The following DOT1L variants were observed in gnomAD, a reference collection of about 807,000 sequenced individuals.
DOT1L encodes the protein DOT1 like histone lysine methyltransferase, also known as histone-lysine N-methyltransferase, H3 lysine-79 specific.
DOT1L carries 33 observed loss-of-function variants against 153.3 expected under a neutral mutation model. That is an observed-to-expected ratio of 0.22 (90% CI 0.16 to 0.29). DOT1L has a LOEUF of 0.29. Among genes scored for constraint, DOT1L ranks in the 10% least tolerant of loss-of-function variants. The pLI is 1.00. For missense variants in DOT1L, 1,847 were observed against 2,119.9 expected (o/e 0.87, Z 2.53); for synonymous variants, 1,135 against 965.1 (o/e 1.18, Z -3.26).
At chr19:2,199,783 A>G in intron 7 of DOT1L, 101 bp from the exon 8 acceptor site, 5 of 1,401,210 alleles carry the variant, frequency 3.6e-6, no homozygotes, top group Non-Finnish European at 4.8e-6. Context: ...CTTCACTGCA[A>G]GCGGAGCTGT....
At chr19:2,183,589 G>A (rs992715681) in intron 2 of DOT1L, among the ~76,000 whole-genome samples, 3 of 151,804 alleles carry the variant, frequency 2.0e-5, no homozygotes, top group Non-Finnish European at 2.9e-5. Context: ...GGGGAAAGGG[G>A]CGTTTAAACA....
At chr19:2,186,941 G>GAGGGGCCTGC (rs1018580182) in intron 3 of DOT1L, among the ~76,000 whole-genome samples, 4 of 152,264 alleles carry the variant, frequency 2.6e-5, no homozygotes, top group African/African-American at 9.6e-5. Context: ...GGTCCACAGG[G>GAGGGGCCTGC]AGGGGCCTGC....
At chr19:2,195,325 G>A (rs777153631) in intron 7 of DOT1L, among the ~76,000 whole-genome samples, 6 of 152,124 alleles carry the variant, frequency 3.9e-5, no homozygotes, top group Admixed American at 2.0e-4. Flanking sequence ...CCACACAGAG[G>A]CCTGCAGAGC....
At chr19:2,164,688 A>T (rs2019842692) in intron 1 of DOT1L, among the ~76,000 whole-genome samples, 1 of 133,516 alleles carries the variant, frequency 7.5e-6, no homozygotes, top group Non-Finnish European at 1.5e-5. Flanking sequence ...TCTTCTTTTT[A>T]AAAATTGGGC....
At chr19:2,187,966 G>GAA (rs1349499675) in intron 3 of DOT1L, among the ~76,000 whole-genome samples, 1 of 151,414 alleles carries the variant, frequency 6.6e-6, no homozygotes, top group African/African-American at 2.4e-5. Context: ...GAAGGGCCAG[G>GAA]GCTGCTCCTC....
At chr19:2,173,189 C>T (rs188337427) in intron 1 of DOT1L, among the ~76,000 whole-genome samples, 106 of 152,144 alleles carry the variant, frequency 7.0e-4, no homozygotes, top group African/African-American at 2.4e-3. Flanking sequence ...CGCTTTCCTC[C>T]TTCCCTGTCA....
Position 2,232,221 on chromosome 19 carries a change from A to C in DOT1L, c.*2429A>C, listed in dbSNP as rs740405. The C allele has an allele frequency of 0.14, 29,768 of 219,952 alleles. 3,202 individuals carry two copies. The highest frequency in any genetic ancestry group is 0.31 in the African/African-American group (13,889 of 44,316). 13.6% of individuals were successfully genotyped at this position (219,952 alleles called of 1,614,324 possible). ...GCTCAGGAATTGATAGGAACCCTAA[A>C]AACTAGGATACCCCCTCCTCGGCCC... is the stretch of plus-strand genomic sequence containing the variant. On this transcript the variant is annotated 3_prime_UTR_variant, in exon 28 of 28. Coordinates refer to ENST00000398665, the MANE Select transcript of DOT1L (RefSeq NM_032482.3).
intron 3 of DOT1L, among the ~76,000 whole-genome samples, chr19:2,188,540 G>A (rs1247769781): frequency 4.0e-5 from 6 of 148,698 alleles, no homozygotes; most frequent in South Asian, 2.1e-4. Context: ...TGTGGAAGTC[G>A]GATTGTTCTC....
At position 2,231,732 on chromosome 19, in the gene DOT1L, C is replaced by G. The variant is rs919870835; in HGVS notation, c.*1940C>G. ...GCCACAGGGTTGATGGCAGAGACGG[C>G]CGAGTCCCTGGTCTAGAACAAGACA... is the stretch of plus-strand genomic sequence containing the variant. On this transcript the variant is annotated 3_prime_UTR_variant, in exon 28 of 28. Transcript: ENST00000398665. The G allele has an allele frequency of 4.7e-6, 1 of 213,364 alleles. No homozygotes were observed. The allele number at this position is 213,364 out of a possible 1,614,324, so 13.2% of individuals were successfully genotyped here. A position where few individuals can be genotyped will look rare whatever the true frequency, so the allele number is the denominator to read the frequency against.
At chr19:2,211,454 A>G (rs1599595152) in intron 15 of DOT1L, among the ~76,000 whole-genome samples, 1 of 152,182 alleles carries the variant, frequency 6.6e-6, no homozygotes, top group African/African-American at 2.4e-5. Context: ...TGCAGTTGTC[A>G]TAACTTAGGG....
intron 13 of DOT1L, 44 bp downstream of exon 13, chr19:2,210,554 C>T (rs756217587): frequency 2.5e-6 from 4 of 1,589,820 alleles, no homozygotes; most frequent in Non-Finnish European, 3.4e-6. Flanking sequence ...GCACCCGCCC[C>T]CTGCCCGGGA....
At chr19:2,216,231 T>C (rs201233133) in intron 19 of DOT1L, 50 bp from the exon 20 acceptor site, 429 of 1,523,022 alleles carry the variant, frequency 2.8e-4, no homozygotes, top group Non-Finnish European at 3.7e-4. Context: ...CTTGGTTCCC[T>C]GGAGTGGTCC....
In DOT1L at chr19:2,211,194, G is replaced by A. The variant is rs1452632751; in HGVS notation, c.1447G>A (p.Ala483Thr). The A allele has an allele frequency of 3.7e-6, 6 of 1,610,130 alleles. No homozygotes were observed. The highest frequency in any genetic ancestry group is 5.1e-6 in the Non-Finnish European group (6 of 1,178,824). Residue 483 changes from alanine (A) to threonine (T), a missense_variant, in exon 15 of 28, where the codon GCG becomes ACG. By Grantham distance (58) the Ala-to-Thr change is moderately conservative. This residue lies in a region of DOT1L where 156 missense variants were observed against 235.7 expected (regional missense o/e 0.66). Coordinates refer to ENST00000398665, the MANE Select transcript of DOT1L (RefSeq NM_032482.3). ...GCTGCTGGTGGCGCCCACCCCGCCC[G>A]CGCTGCAGAAGCTTCTAGGTGAGCC... The part of the protein sequence containing the change: ...NPLLVAPTPP[A>T]LQKLLESFKI...
At chr19:2,187,069 C>T (rs1482479542) in intron 3 of DOT1L, among the ~76,000 whole-genome samples, 1 of 152,204 alleles carries the variant, frequency 6.6e-6, no homozygotes, top group Non-Finnish European at 1.5e-5. Context: ...ATGATTGCCT[C>T]CATCTCCAGT....
At chr19:2,166,634 C>T (rs1486842740) in intron 1 of DOT1L, among the ~76,000 whole-genome samples, 2 of 152,116 alleles carry the variant, frequency 1.3e-5, no homozygotes, top group African/African-American at 4.8e-5. Context: ...TGGTCTCGAA[C>T]TCCTAACCTC....
At chr19:2,172,455 C>G (rs984125176) in intron 1 of DOT1L, among the ~76,000 whole-genome samples, 3 of 151,396 alleles carry the variant, frequency 2.0e-5, no homozygotes, top group African/African-American at 7.3e-5. Flanking sequence ...TCCCAAAGTG[C>G]TGGGATCACA....
intron 7 of DOT1L, 139 bp from the exon 8 acceptor site, chr19:2,199,745 C>CCCTGGGAGCTGCAGG: frequency 8.7e-7 from 1 of 1,144,484 alleles, no homozygotes; most frequent in Non-Finnish European, 1.2e-6. Context: ...AGGGCTGCAG[C>CCCTGGGAGCTGCAGG]CGGTGGGGCC....
rs775893842 is a variant in DOT1L at position 2,228,191 on chromosome 19, C to T, written c.4606+1064C>T. 6 of 1,365,116 alleles carry T rather than the reference C, an allele frequency of 4.4e-6. No homozygotes were observed. In the South Asian group the frequency reaches 6.8e-5, roughly 16 times the overall value. The allele number at this position is 1,365,116 out of a possible 1,614,324, so 84.6% of individuals were successfully genotyped here. A position where few individuals can be genotyped will look rare whatever the true frequency, so the allele number is the denominator to read the frequency against. The stretch of plus-strand genomic sequence containing the variant: ...TCCCGCACAAGGGCGCCCGCCCCTC[C>T]TTCACGGTGCACCACCAGCCCCTGC... On this transcript the variant is annotated intron_variant, in intron 27 of 27. Transcript: ENST00000398665.
At chr19:2,194,977 C>G (rs947094955) in intron 7 of DOT1L, among the ~76,000 whole-genome samples, 1 of 152,152 alleles carries the variant, frequency 6.6e-6, no homozygotes, top group Non-Finnish European at 1.5e-5. Flanking sequence ...GTGCTGTGTT[C>G]TTCATGACAA....
Sources: allele counts gnomAD v4.1 joint callset (sites outside exome capture counted in the v4.1 genomes callset), GRCh38; gene constraint gnomAD v4.1.1; regional missense constraint gnomAD v4.1.1; transcripts MANE v1.5; gene names NCBI Gene and HGNC (gene_info 2026-07-23, HGNC 2026-07-21).